The following FRAS1 variants were observed in gnomAD, a reference collection of about 807,000 sequenced individuals.
The protein encoded by FRAS1 is extracellular matrix organizing protein FRAS1.
In FRAS1, 290 loss-of-function variants were observed where a neutral mutation model predicts 435.2. The observed-to-expected ratio is 0.67, with a 90% CI of 0.61 to 0.73. The LOEUF (loss-of-function observed/expected upper bound fraction) is 0.73. FRAS1 is among the 30% of genes least tolerant of loss of function. The pLI is 0.00. For synonymous variants in FRAS1, 1,800 were observed against 1,851.0 expected, an observed-to-expected ratio of 0.97 and a Z score of 0.71; for missense variants, 4,860 against 5,001.5, an observed-to-expected ratio of 0.97 and a Z score of 0.85.
chr4:78,117,452 G>A (rs1485493820), intron 2 of FRAS1, among the ~76,000 whole-genome samples: 1 of 152,122 alleles, frequency 6.6e-6, no homozygotes, highest in East Asian at 1.9e-4. Flanking sequence ...CGTTCTCCCT[G>A]TCACTTTCAG....
rs559909700 is a variant in FRAS1 at position 78,076,858 on chromosome 4, T to C, written c.108+10842T>C. Among the ~76,000 whole-genome samples the C allele has an allele frequency of 3.3e-5, 5 of 152,320 alleles. No individual in the cohort carries two copies. The South Asian group carries it at 1.0e-3, about 32-fold the overall frequency. On this transcript the variant is annotated intron_variant, in intron 2 of 73. Transcript: ENST00000512123. ...GAGGAATCAAACTGTTGAAGAGAAA[T>C]AAGTATCCTTTTATATTTCTTACTC...
chr4:78,518,450 A>ATATATATATATATATATATTTATT (rs1487744216), intron 66 of FRAS1, among the ~76,000 whole-genome samples: 1 of 69,326 alleles, frequency 1.4e-5, no homozygotes, highest in African/African-American at 3.8e-5. Context: ...ATATATATAT[A>ATATATATATATATATATATTTATT]TATTTATTTA....
At chr4:78,464,284 A>G (rs1719456224) in intron 48 of FRAS1, 139 bp downstream of exon 48, 1 of 1,374,140 alleles carries the variant, frequency 7.3e-7, no homozygotes, top group Admixed American at 2.4e-5. Flanking sequence ...CAGCCTCTGT[A>G]GCCACCTTGG....
intron 69 of FRAS1, 82 bp from the exon 70 acceptor site, chr4:78,526,459 T>C (rs1436413321): frequency 3.6e-6 from 3 of 828,898 alleles, no homozygotes; most frequent in Admixed American, 4.8e-5. Context: ...GAAAACTGTT[T>C]AGTGAAGGCC....
rs138070482 is a variant in FRAS1 at position 78,542,371 on chromosome 4, C to G, written c.*1247C>G. ...GCTTAACTATTTTGTGTAGGCTACA[C>G]ACAGCTTGCTTTTGTTTCTCTTCTG... On this transcript the variant is annotated 3_prime_UTR_variant, in exon 74 of 74. Coordinates refer to ENST00000512123, the MANE Select transcript of FRAS1 (RefSeq NM_025074.7). The G allele has an allele frequency of 2.0e-5, 3 of 152,426 alleles. No individual in the cohort carries two copies. The highest frequency in any genetic ancestry group is 7.2e-5 in the African/African-American group (3 of 41,568). The allele number at this position is 152,426 out of a possible 1,614,324, so 9.4% of individuals were successfully genotyped here.
intron 2 of FRAS1, among the ~76,000 whole-genome samples, chr4:78,141,946 G>A (rs549221582): frequency 6.6e-5 from 10 of 152,142 alleles, no homozygotes; most frequent in African/African-American, 2.4e-4. Context: ...AGGATGTAAA[G>A]GCCTAAGAAT....
At chr4:78,075,738 C>T (rs892750125) in intron 2 of FRAS1, among the ~76,000 whole-genome samples, 2 of 152,124 alleles carry the variant, frequency 1.3e-5, no homozygotes, top group African/African-American at 2.4e-5. Flanking sequence ...AATAGATGCT[C>T]GCAATTGAGA....
intron 2 of FRAS1, among the ~76,000 whole-genome samples, chr4:78,176,185 AC>A (rs1721772000): frequency 1.3e-5 from 2 of 152,220 alleles, no homozygotes. Flanking sequence ...AGATAGCATT[AC>A]TTCATGTATC....
chr4:78,175,159 C>A (rs1721712579), intron 2 of FRAS1, among the ~76,000 whole-genome samples: 1 of 152,214 alleles, frequency 6.6e-6, no homozygotes, highest in Non-Finnish European at 1.5e-5. Context: ...ATCCCATCGC[C>A]TGGAGGCTAC....
Position 78,537,149 on chromosome 4 carries a change from G to C in FRAS1, c.11247G>C (p.Gln3749His). 1.2e-6 allele frequency: 2 copies of C among 1,614,036 alleles called. No individual in the cohort carries two copies. The highest frequency in any genetic ancestry group is 1.7e-6 in the Non-Finnish European group (2 of 1,179,900). Residue 3749 changes from glutamine (Q) to histidine (H), a missense_variant, in exon 72 of 74, where the codon CAG (glutamine) becomes CAC (histidine). Gln to His is a conservative substitution (Grantham distance 24). Transcript: ENST00000512123. Reference protein sequence around the residue: ...PTGTIYNEGPQYGCIQPNKHL... With the variant: ...PTGTIYNEGPHYGCIQPNKHL... ...GGACAATCTACAATGAAGGGCCCCAGTATGGATGCATTCAGCCAAACAAAC... is the reference window on the plus strand; with the variant it reads ...GGACAATCTACAATGAAGGGCCCCACTATGGATGCATTCAGCCAAACAAAC...
intron 65 of FRAS1, among the ~76,000 whole-genome samples, chr4:78,514,717 A>G (rs1578368175): frequency 1.3e-5 from 2 of 152,192 alleles, no homozygotes; most frequent in African/African-American, 4.8e-5. Flanking sequence ...GGTCTCAAGC[A>G]TTCTAAGATA....
At position 78,438,584 on chromosome 4, in the gene FRAS1, C is replaced by A. The variant is rs142473690; in HGVS notation, c.5232C>A (p.Pro1744=). ...SHLAYVDDSS[P]DPEIWIQLNY... ...TGCCTCATTAGGATGATTCTTCCCC[C>A]GACCCAGAGATCTGGATTCAGTTAA... Residue 1744 remains proline (P), a synonymous_variant, in exon 39 of 74, where the codon CCC becomes CCA. Transcript: ENST00000512123. The A allele has an allele frequency of 1.2e-6, 2 of 1,613,784 alleles. No homozygotes were observed. Among genetic ancestry groups the A allele is most frequent in the Non-Finnish European group, 1.7e-6 (2 of 1,179,792 alleles).
At chr4:78,161,742 C>CAAAAAAAA (rs71214399) in intron 2 of FRAS1, among the ~76,000 whole-genome samples, 26 of 24,892 alleles carry the variant, frequency 1.0e-3, no homozygotes, top group East Asian at 2.9e-3. Flanking sequence ...AACTCTGTCT[C>CAAAAAAAA]AAAAAAAAAA....
At chr4:78,357,343 A>G (rs1040793571) in intron 20 of FRAS1, among the ~76,000 whole-genome samples, 4 of 152,206 alleles carry the variant, frequency 2.6e-5, no homozygotes, top group Non-Finnish European at 5.9e-5. Context: ...TGCTCAGCAC[A>G]CTGTGTCCCC....
At chr4:78,146,957 C>T (rs1578152235) in intron 2 of FRAS1, among the ~76,000 whole-genome samples, 2 of 152,230 alleles carry the variant, frequency 1.3e-5, no homozygotes, top group East Asian at 3.9e-4. Flanking sequence ...TGACCCCAGA[C>T]TTTAATGTTG....
chr4:78,086,306 G>T (rs566722236), intron 2 of FRAS1, among the ~76,000 whole-genome samples: 79 of 152,270 alleles, frequency 5.2e-4, no homozygotes, highest in African/African-American at 1.8e-3. Flanking sequence ...AGCACTGAAT[G>T]CCCACAAGAG....
At position 78,473,610 on chromosome 4, in the gene FRAS1, CT is replaced by C. The variant is rs758011787; in HGVS notation, c.7682+14del. ...TTAAATATACCAGGTACAAGTTTTA[CT>C]GTGCTTTCCTTCTTGAGAAATCAAT... On this transcript the variant is annotated intron_variant, in intron 53 of 73. Transcript: ENST00000512123. The C allele has an allele frequency of 1.3e-6, 2 of 1,548,158 alleles. No homozygotes were observed. Among genetic ancestry groups the C allele is most frequent in the East Asian group, 4.7e-5 (2 of 42,822 alleles).
chr4:78,116,129 G>A (rs1276179019), intron 2 of FRAS1, among the ~76,000 whole-genome samples: 2 of 152,178 alleles, frequency 1.3e-5, no homozygotes, highest in Admixed American at 1.3e-4. Context: ...TTTCCATGTA[G>A]TTGAGCAGTT....
intron 26 of FRAS1, among the ~76,000 whole-genome samples, chr4:78,377,438 C>T (rs1200979827): frequency 1.3e-5 from 2 of 152,200 alleles, no homozygotes; most frequent in African/African-American, 4.8e-5. Context: ...CCCACTGAAA[C>T]TTGGCATTTC....
Sources: gnomAD v4.1 joint callset for allele counts (sites outside exome capture counted in the v4.1 genomes callset) on GRCh38, gnomAD v4.1.1 for gene constraint, MANE v1.5 for transcripts, NCBI Gene and HGNC (gene_info 2026-07-23, HGNC 2026-07-21) for gene names.